Variants in CPEB3 observed in about 807,000 individuals in gnomAD.
CPEB3 encodes the protein cytoplasmic polyadenylation element-binding protein 3.
In CPEB3, 20 loss-of-function variants were observed where a neutral mutation model predicts 67.2. The ratio of observed to expected loss-of-function variants is 0.30; its 90% CI spans 0.21 to 0.43. The LOEUF (loss-of-function observed/expected upper bound fraction) is 0.43. CPEB3 is among the 20% of genes least tolerant of loss of function. The pLI is 1.00. For missense variants in CPEB3, 746 were observed against 968.6 expected, an observed-to-expected ratio of 0.77 and a Z score of 3.05; for synonymous variants, 376 against 393.1, an observed-to-expected ratio of 0.96 and a Z score of 0.51.
At chr10:92,287,182 G>A (rs1026604266) in intron 1 of CPEB3, among the ~76,000 whole-genome samples, 1 of 150,574 alleles carries the variant, frequency 6.6e-6, no homozygotes, top group Non-Finnish European at 1.5e-5. Flanking sequence ...AGGCTGGAGT[G>A]CAGTGGTGCG....
chr10:92,073,560 T>C (rs1842833551), intron 9 of CPEB3, among the ~76,000 whole-genome samples: 1 of 152,052 alleles, frequency 6.6e-6, no homozygotes, highest in Non-Finnish European at 1.5e-5. Context: ...TGCCTCAGCC[T>C]CCCAAGTAGC....
intron 2 of CPEB3, among the ~76,000 whole-genome samples, chr10:92,219,183 T>C (rs1014452759): frequency 6.6e-6 from 1 of 152,190 alleles, no homozygotes; most frequent in African/African-American, 2.4e-5. Context: ...AATATCAGCT[T>C]GCTTGCCTAT....
intron 9 of CPEB3, among the ~76,000 whole-genome samples, chr10:92,058,570 T>TA (rs1044489549): frequency 8.4e-6 from 1 of 118,808 alleles, no homozygotes; most frequent in African/African-American, 2.8e-5. Context: ...CATACATACA[T>TA]ACATACATAC....
intron 9 of CPEB3, 126 bp from the exon 10 acceptor site, chr10:92,052,565 A>C (rs1366393569): frequency 3.3e-5 from 25 of 759,312 alleles, no homozygotes; most frequent in South Asian, 3.2e-4. Context: ...AACTCTGCTG[A>C]TACTGGATGG....
chr10:92,178,450 C>T (rs1345050515), intron 4 of CPEB3, among the ~76,000 whole-genome samples: 1 of 152,084 alleles, frequency 6.6e-6, no homozygotes, highest in East Asian at 1.9e-4. Context: ...TGAGGCACCA[C>T]GCCCAGCGAT....
At chr10:92,181,367 CAAAAAAAAAA>C (rs55896574) in intron 3 of CPEB3, among the ~76,000 whole-genome samples, 6 of 95,402 alleles carry the variant, frequency 6.3e-5, no homozygotes, top group African/African-American at 2.6e-4. Flanking sequence ...ATTCAAGCAG[CAAAAAAAAAA>C]AAAAAAAAAA....
intron 4 of CPEB3, among the ~76,000 whole-genome samples, chr10:92,165,403 CTTTTTTT>C (rs34205234): frequency 4.1e-5 from 5 of 121,456 alleles, no homozygotes; most frequent in African/African-American, 1.6e-4. Context: ...CTTTTTTCTT[CTTTTTTT>C]TTTTTTTTTT....
At chr10:92,162,177 T>A (rs1482820724) in intron 4 of CPEB3, among the ~76,000 whole-genome samples, 1 of 152,102 alleles carries the variant, frequency 6.6e-6, no homozygotes, top group African/African-American at 2.4e-5. Flanking sequence ...TTTTACTGTT[T>A]CATATATATT....
chr10:92,074,902 C>G (rs748501543), intron 9 of CPEB3, among the ~76,000 whole-genome samples: 3 of 152,178 alleles, frequency 2.0e-5, no homozygotes, highest in Non-Finnish European at 4.4e-5. Flanking sequence ...TGAGAGATGA[C>G]TCTAGATGTC....
At chr10:92,127,910 T>C (rs1362555910) in intron 6 of CPEB3, among the ~76,000 whole-genome samples, 1 of 152,160 alleles carries the variant, frequency 6.6e-6, no homozygotes, top group Non-Finnish European at 1.5e-5. Context: ...CTCATACCAA[T>C]GTGGCCCCTG....
chr10:92,101,266 ACT>A (rs767534513), intron 7 of CPEB3, among the ~76,000 whole-genome samples: 1 of 151,810 alleles, frequency 6.6e-6, no homozygotes, highest in Non-Finnish European at 1.5e-5. Context: ...CTTCCCCCAT[ACT>A]CTGATTTCTT....
At chr10:92,290,602 G>C (rs532900835) in intron 1 of CPEB3, among the ~76,000 whole-genome samples, 20 of 152,236 alleles carry the variant, frequency 1.3e-4, no homozygotes, top group African/African-American at 4.8e-4. Flanking sequence ...CACACAGAGA[G>C]ACTCGGGTGG....
chr10:92,287,410 T>G (rs1441041004), intron 1 of CPEB3, among the ~76,000 whole-genome samples: 4 of 152,226 alleles, frequency 2.6e-5, no homozygotes, highest in Non-Finnish European at 5.9e-5. Context: ...ATTCCAATTA[T>G]TCTGAGTCTT....
chr10:92,206,945 C>A (rs1849820345), intron 2 of CPEB3, among the ~76,000 whole-genome samples: 1 of 152,030 alleles, frequency 6.6e-6, no homozygotes, highest in African/African-American at 2.4e-5. Context: ...TGGAATTCAG[C>A]TTAATGAATA....
intron 6 of CPEB3, among the ~76,000 whole-genome samples, chr10:92,118,198 C>A (rs1338884647): frequency 1.3e-5 from 2 of 152,172 alleles, no homozygotes; most frequent in Non-Finnish European, 2.9e-5. Context: ...ATGGTGTGAT[C>A]TTGGCTCACT....
Position 92,047,755 on chromosome 10 carries a change from G to A in CPEB3, c.*4457C>T, listed in dbSNP as rs1173783068. On this transcript the variant is annotated 3_prime_UTR_variant, in exon 10 of 10. Coordinates refer to ENST00000265997, the MANE Select transcript of CPEB3 (RefSeq NM_014912.5). The stretch of plus-strand genomic sequence containing the variant: ...TTATTTACAAAACTGAATACATAGA[G>A]CATACCCAAGACCAACTCTGGACAC... The A allele has an allele frequency of 6.6e-6, 1 of 152,176 alleles. No individual in the cohort carries two copies. The highest frequency in any genetic ancestry group is 6.5e-5 in the Admixed American group (1 of 15,278). The allele number at this position is 152,176 out of a possible 1,614,324, so 9.4% of individuals were successfully genotyped here.
chr10:92,223,381 C>T (rs980068278), intron 2 of CPEB3, among the ~76,000 whole-genome samples: 9 of 152,114 alleles, frequency 5.9e-5, no homozygotes, highest in Admixed American at 5.2e-4. Context: ...TTCCTCCACT[C>T]TAAAACCCAC....
chr10:92,211,482 A>C (rs994598570), intron 2 of CPEB3, among the ~76,000 whole-genome samples: 1 of 152,214 alleles, frequency 6.6e-6, no homozygotes, highest in African/African-American at 2.4e-5. Flanking sequence ...ACGGAACACA[A>C]ACTATCTAAG....
At chr10:92,247,599 G>A (rs964838735) in intron 1 of CPEB3, among the ~76,000 whole-genome samples, 2 of 152,114 alleles carry the variant, frequency 1.3e-5, no homozygotes, top group Non-Finnish European at 2.9e-5. Flanking sequence ...GTTTCTCCGT[G>A]TTGGTCAGGC....
Sources: gnomAD v4.1 joint callset for allele counts (sites outside exome capture counted in the v4.1 genomes callset) on GRCh38, gnomAD v4.1.1 for gene constraint, MANE v1.5 for transcripts, NCBI Gene and HGNC (gene_info 2026-07-23, HGNC 2026-07-21) for gene names.